Variants in PRH1 observed in about 807,000 individuals in gnomAD.
PRH1 encodes salivary acidic proline-rich phosphoprotein 1/2.
PRH1 carries 7 observed loss-of-function variants against 7.9 expected under a neutral mutation model. That is an observed-to-expected ratio of 0.89 (90% CI 0.50 to 1.67). The LOEUF (loss-of-function observed/expected upper bound fraction) is 1.67. Among genes scored for constraint, PRH1 ranks in the 40% most tolerant of loss-of-function variants. The pLI is 0.00. For missense variants in PRH1, 109 were observed against 223.6 expected, an observed-to-expected ratio of 0.49 and a Z score of 3.27; for synonymous variants, 45 against 80.8, an observed-to-expected ratio of 0.56 and a Z score of 2.38.
intron 2 of PRH1, among the ~76,000 whole-genome samples, chr12:10,911,614 T>C (rs577730247): frequency 6.6e-6 from 1 of 152,332 alleles, no homozygotes; most frequent in South Asian, 2.1e-4. Context: ...TTTGCAGCTA[T>C]GTTTTTAAGG....
chr12:11,056,942 G>T (rs1943383605), intron 1 of PRH1, among the ~76,000 whole-genome samples: 1 of 152,208 alleles, frequency 6.6e-6, no homozygotes, highest in Admixed American at 6.5e-5. Context: ...AGGAACCAAA[G>T]ATTGTTAATT....
chr12:10,938,354 T>C (rs749747727), intron 2 of PRH1: 2 of 1,614,076 alleles, frequency 1.2e-6, no homozygotes, highest in South Asian at 1.1e-5. Context: ...TCTCAGCTTC[T>C]TGTTTCCAAG....
intron 1 of PRH1, among the ~76,000 whole-genome samples, chr12:11,066,633 A>G (rs1450226165): frequency 6.6e-5 from 1 of 15,160 alleles, no homozygotes; most frequent in Non-Finnish European, 5.5e-4. Flanking sequence ...TTAATGAGAT[A>G]GATGTATATA....
At chr12:11,098,197 T>C (rs1409606155) in intron 1 of PRH1, among the ~76,000 whole-genome samples, 3 of 146,538 alleles carry the variant, frequency 2.0e-5, no homozygotes, top group African/African-American at 7.4e-5. Context: ...CACCTCTCAA[T>C]GTAATATCAC....
intron 2 of PRH1, among the ~76,000 whole-genome samples, chr12:10,900,202 T>C (rs115230692): frequency 0.011 from 1,746 of 152,232 alleles, 42 homozygotes; most frequent in African/African-American, 0.039. Context: ...AGAGCCTCCC[T>C]CTGTGACTCA....
intron 2 of PRH1, among the ~76,000 whole-genome samples, chr12:10,931,335 A>G (rs1454914313): frequency 6.6e-6 from 1 of 152,160 alleles, no homozygotes; most frequent in Non-Finnish European, 1.5e-5. Flanking sequence ...AGGACATAGA[A>G]TCATGTTCTC....
At chr12:10,938,289 G>T (rs1406213042) in intron 2 of PRH1, 1 of 1,609,128 alleles carries the variant, frequency 6.2e-7, no homozygotes, top group Non-Finnish European at 8.5e-7. Context: ...TGACCTGAGG[G>T]CTCCCCATCT....
chr12:10,957,490 T>C (rs1395206734), intron 2 of PRH1, among the ~76,000 whole-genome samples: 2 of 152,098 alleles, frequency 1.3e-5, no homozygotes. Flanking sequence ...GTAAACACCA[T>C]TCCTGCATAG....
chr12:11,145,989 T>C (rs1166982308), intron 1 of PRH1, among the ~76,000 whole-genome samples: 2 of 152,158 alleles, frequency 1.3e-5, no homozygotes, highest in African/African-American at 4.8e-5. Flanking sequence ...GTTTCAGAAA[T>C]ATGTAGTTAT....
intron 2 of PRH1, among the ~76,000 whole-genome samples, chr12:10,936,496 C>G (rs1950290551): frequency 6.6e-6 from 1 of 152,080 alleles, no homozygotes; most frequent in South Asian, 2.1e-4. Context: ...GTGAAACCAT[C>G]ACTATAATCA....
intron 1 of PRH1, among the ~76,000 whole-genome samples, chr12:11,069,471 T>C (rs1159316975): frequency 1.4e-5 from 1 of 69,762 alleles, no homozygotes; most frequent in Admixed American, 1.5e-4. Flanking sequence ...AAAAGACAAC[T>C]AGCAAAGGAG....
chr12:11,154,185 T>C (rs1947186483), intron 1 of PRH1, among the ~76,000 whole-genome samples: 1 of 152,194 alleles, frequency 6.6e-6, no homozygotes, highest in Non-Finnish European at 1.5e-5. Flanking sequence ...AATGCCAAAA[T>C]GTTTTTTATC....
At chr12:11,137,022 G>T (rs948125981) in intron 1 of PRH1, among the ~76,000 whole-genome samples, 1 of 152,180 alleles carries the variant, frequency 6.6e-6, no homozygotes, top group African/African-American at 2.4e-5. Context: ...GCATTCTCCT[G>T]CAACTTGGAA....
At chr12:11,129,269 C>G (rs1201590840) in intron 1 of PRH1, among the ~76,000 whole-genome samples, 1 of 152,288 alleles carries the variant, frequency 6.6e-6, no homozygotes, top group Non-Finnish European at 1.5e-5. Context: ...TCATGTCCAT[C>G]CCAAGGTGGA....
At chr12:10,890,572 A>G (rs892764835) in intron 2 of PRH1, among the ~76,000 whole-genome samples, 6 of 152,168 alleles carry the variant, frequency 3.9e-5, no homozygotes, top group Admixed American at 3.9e-4. Flanking sequence ...AGGGTAAACT[A>G]TAAAGAACGA....
At chr12:11,130,222 A>C (rs1020909892) in intron 1 of PRH1, among the ~76,000 whole-genome samples, 1 of 152,200 alleles carries the variant, frequency 6.6e-6, no homozygotes, top group Non-Finnish European at 1.5e-5. Context: ...AGTATAGTAA[A>C]ATATTATAAC....
chr12:11,131,805 G>A (rs1946351892), intron 1 of PRH1, among the ~76,000 whole-genome samples: 2 of 152,158 alleles, frequency 1.3e-5, no homozygotes, highest in Non-Finnish European at 2.9e-5. Flanking sequence ...CCAGAACAGG[G>A]GAACTCATGC....
chr12:11,073,554 G>A (rs1399620969), intron 1 of PRH1, among the ~76,000 whole-genome samples: 1 of 151,452 alleles, frequency 6.6e-6, no homozygotes, highest in Non-Finnish European at 1.5e-5. Flanking sequence ...CACAATAGAG[G>A]ATATTGCTCT....
intron 2 of PRH1, among the ~76,000 whole-genome samples, chr12:10,897,709 A>G (rs1949667900): frequency 1.3e-5 from 2 of 152,142 alleles, no homozygotes; most frequent in Non-Finnish European, 2.9e-5. Context: ...AGGAAGAGAA[A>G]GATGGGGGAG....
Sources: gnomAD v4.1 joint callset for allele counts (sites outside exome capture counted in the v4.1 genomes callset) on GRCh38, gnomAD v4.1.1 for gene constraint, MANE v1.5 for transcripts, NCBI Gene and HGNC (gene_info 2026-07-23, HGNC 2026-07-21) for gene names.